The following ABCB1 variants were observed in gnomAD, a reference collection of about 807,000 sequenced individuals.
The protein encoded by ABCB1 is ATP-dependent translocase ABCB1.
Under a neutral mutation model 142.0 loss-of-function variants are expected in ABCB1, and 69 were observed. The observed-to-expected ratio is 0.49, with a 90% confidence interval of 0.40 to 0.59. The LOEUF is 0.59. ABCB1 is among the 20% of genes least tolerant of loss of function. The probability of loss-of-function intolerance (pLI) is 0.00; values close to 1 mark genes in which losing one functional copy is unlikely to be tolerated. For synonymous variants in ABCB1, 532 were observed against 539.2 expected (o/e 0.99, Z 0.18); for missense variants, 1,326 against 1,554.7 (o/e 0.85, Z 2.47).
At chr7:87,629,412 G>C (rs1820974979) in intron 1 of ABCB1, 1 of 153,072 alleles carries the variant, frequency 6.5e-6, no homozygotes, top group Non-Finnish European at 1.5e-5. Flanking sequence ...CACGTTAGTT[G>C]AGTGCCTACT....
intron 25 of ABCB1, among the ~76,000 whole-genome samples, chr7:87,512,978 C>T (rs1160130422): frequency 6.6e-6 from 1 of 152,110 alleles, no homozygotes; most frequent in African/African-American, 2.4e-5. Flanking sequence ...TCCCAGTTTC[C>T]CTTGGTTCTG....
chr7:87,565,185 T>C (rs968460108), intron 7 of ABCB1, among the ~76,000 whole-genome samples: 5 of 152,226 alleles, frequency 3.3e-5, no homozygotes, highest in Non-Finnish European at 5.9e-5. Flanking sequence ...AGGTTAAAAT[T>C]TCTACAGTTT....
intron 1 of ABCB1, among the ~76,000 whole-genome samples, chr7:87,641,967 T>C (rs1426639455): frequency 6.6e-6 from 1 of 152,096 alleles, no homozygotes; most frequent in African/African-American, 2.4e-5. Context: ...AAAATTTTCA[T>C]AAATCAATCA....
Position 87,553,930 on chromosome 7 carries a change from T to A in ABCB1, c.830A>T (p.Tyr277Phe). Residue 277 changes from tyrosine to phenylalanine, a missense_variant and splice_region_variant, in exon 9 of 28, where the codon TAC (tyrosine) becomes TTC (phenylalanine). Transcript: ENST00000622132. ...FGGQKKELERYNKNLEEAKRI... is the reference protein window; with the variant it reads ...FGGQKKELERFNKNLEEAKRI... ...TTTAGCTTCTTCTAAATTTTTGTTGTACCTGAGAAAAAGAACAAAAATGAT... is the reference window on the plus strand; with the variant it reads ...TTTAGCTTCTTCTAAATTTTTGTTGAACCTGAGAAAAAGAACAAAAATGAT... 6.2e-7 allele frequency: 1 copy of A among 1,612,280 alleles called. No homozygotes were observed. Among genetic ancestry groups the A allele is most frequent in the Non-Finnish European group, 8.5e-7 (1 of 1,178,362 alleles).
chr7:87,613,257 C>CTTTTTTTTTTTTTTTTT (rs67823385), intron 1 of ABCB1, among the ~76,000 whole-genome samples: 12 of 64,198 alleles, frequency 1.9e-4, no homozygotes, highest in Admixed American at 4.2e-4. Context: ...TCCTTTATTT[C>CTTTTTTTTTTTTTTTTT]TTTTTTTTTT....
intron 27 of ABCB1, 67 bp from the exon 28 acceptor site, chr7:87,504,516 G>A: frequency 1.9e-6 from 3 of 1,588,862 alleles, no homozygotes; most frequent in Non-Finnish European, 2.6e-6. Flanking sequence ...TCCATAAAAA[G>A]CTCCACAGTA....
At chr7:87,686,875 G>A (rs964132927) in intron 1 of ABCB1, among the ~76,000 whole-genome samples, 4 of 150,166 alleles carry the variant, frequency 2.7e-5, no homozygotes, top group Non-Finnish European at 5.9e-5. Context: ...AGCCCAAGGA[G>A]ACCAAGGCTG....
intron 1 of ABCB1, among the ~76,000 whole-genome samples, chr7:87,671,764 G>A (rs1376432344): frequency 6.6e-6 from 1 of 152,120 alleles, no homozygotes; most frequent in African/African-American, 2.4e-5. Flanking sequence ...GTGCTGTGCT[G>A]GAGGTCCACT....
intron 4 of ABCB1, among the ~76,000 whole-genome samples, chr7:87,577,257 T>A (rs1221856449): frequency 6.6e-6 from 1 of 152,198 alleles, no homozygotes; most frequent in African/African-American, 2.4e-5. Context: ...CTCATTTTTT[T>A]AAGGATGAAT....
intron 22 of ABCB1, among the ~76,000 whole-genome samples, chr7:87,520,055 A>G (rs1815426691): frequency 6.6e-6 from 1 of 152,158 alleles, no homozygotes; most frequent in Admixed American, 6.5e-5. Context: ...GAATCATGAT[A>G]TGGATCCAGC....
Position 87,600,858 on chromosome 7 carries a change from T to C in ABCB1, c.-110A>G, listed in dbSNP as rs1819425764. 1 of 152,382 alleles carries C rather than the reference T, an allele frequency of 6.6e-6. No homozygotes were observed. Among genetic ancestry groups the C allele is most frequent in the African/African-American group, 2.4e-5 (1 of 41,436 alleles). The allele number at this position is 152,382 out of a possible 1,614,324, so 9.4% of individuals were successfully genotyped here. ...AAACGAACAGCGGCCTCTGCTTCTTTGAGCTTGGAAGAGCCGCTACTCGAA... is the reference window on the plus strand; with the variant it reads ...AAACGAACAGCGGCCTCTGCTTCTTCGAGCTTGGAAGAGCCGCTACTCGAA... On this transcript the variant is annotated 5_prime_UTR_variant, in exon 1 of 28. Coordinates refer to ENST00000622132, the MANE Select transcript of ABCB1 (RefSeq NM_001348946.2).
At chr7:87,541,601 T>C in intron 17 of ABCB1, 137 bp from the exon 18 acceptor site, 1 of 706,364 alleles carries the variant, frequency 1.4e-6, no homozygotes, top group South Asian at 1.5e-5. Flanking sequence ...GGCTTTCCTA[T>C]TGCCAGCCTT....
chr7:87,708,661 A>G (rs900713670), intron 1 of ABCB1, among the ~76,000 whole-genome samples: 1 of 151,914 alleles, frequency 6.6e-6, no homozygotes, highest in Non-Finnish European at 1.5e-5. Context: ...AAACTCTCTT[A>G]AATGCTGACA....
rs185487176 is a variant in ABCB1, at chr7:87,571,551, T to C, written c.287-1328A>G. Among the ~76,000 whole-genome samples, 266 of 152,170 alleles carry C rather than the reference T, an allele frequency of 1.7e-3. 1 individual carries two copies. The highest frequency in any genetic ancestry group is 6.8e-3 in the Middle Eastern group (2 of 294). ...CTTATAGAGGAAGAAGTTACAGGAC[T>C]TAGCAACTGATAGAATATAAGTAGA... On this transcript the variant is annotated intron_variant, in intron 4 of 27. Coordinates refer to ENST00000622132, the MANE Select transcript of ABCB1 (RefSeq NM_001348946.2).
At chr7:87,537,240 A>G (rs1816337563) in intron 19 of ABCB1, among the ~76,000 whole-genome samples, 1 of 152,152 alleles carries the variant, frequency 6.6e-6, no homozygotes, top group African/African-American at 2.4e-5. Context: ...AGGCGGTTAT[A>G]GGAGATGAGA....
chr7:87,647,824 A>G (rs1823164807), intron 1 of ABCB1, among the ~76,000 whole-genome samples: 1 of 152,168 alleles, frequency 6.6e-6, no homozygotes, highest in Admixed American at 6.5e-5. Context: ...GTCCCTATGC[A>G]TCTGAAAATG....
chr7:87,637,712 G>T (rs866398180), intron 1 of ABCB1, among the ~76,000 whole-genome samples: 1 of 151,770 alleles, frequency 6.6e-6, no homozygotes, highest in South Asian at 2.1e-4. Context: ...TCATTTTCTT[G>T]TGGTTGTTGG....
At chr7:87,656,910 T>A (rs760819759) in intron 1 of ABCB1, among the ~76,000 whole-genome samples, 1 of 152,190 alleles carries the variant, frequency 6.6e-6, no homozygotes, top group Non-Finnish European at 1.5e-5. Flanking sequence ...ATCTACTATA[T>A]GCCTAGCACT....
rs186257572 is a variant in ABCB1, at chr7:87,586,741, A to T, written c.118-1061T>A. On this transcript the variant is annotated intron_variant, in intron 3 of 27. Coordinates refer to ENST00000622132, the MANE Select transcript of ABCB1 (RefSeq NM_001348946.2). ...ACCAATCCTAGAGTTAGCTTACATG[A>T]ATCTTACAGTAGCAACTGGGGGATT... Among the ~76,000 whole-genome samples, 89 of 152,346 alleles carry T rather than the reference A, an allele frequency of 5.8e-4. 2 individuals are homozygous for T. Among genetic ancestry groups the T allele is most frequent in the Non-Finnish European group, 3.5e-4 (24 of 68,034 alleles).
Sources: gnomAD v4.1 joint callset for allele counts (sites outside exome capture counted in the v4.1 genomes callset) on GRCh38, gnomAD v4.1.1 for gene constraint, MANE v1.5 for transcripts, NCBI Gene and HGNC (gene_info 2026-07-23, HGNC 2026-07-21) for gene names.